AHRR: variants seen among roughly 807,000 people sequenced by gnomAD.
AHRR encodes aryl hydrocarbon receptor repressor, also known as ahR repressor.
A neutral mutation model predicts 44.0 loss-of-function variants in AHRR; 28 were observed. That is an observed-to-expected ratio of 0.64 (90% CI 0.47 to 0.87). The LOEUF (loss-of-function observed/expected upper bound fraction) is 0.87. Ranked by LOEUF, AHRR falls within the 40% of genes least tolerant of loss-of-function variation. AHRR has a pLI of 0.00. For missense variants in AHRR, 990 were observed against 953.9 expected, an observed-to-expected ratio of 1.04 and a Z score of -0.50; for synonymous variants, 434 against 407.0, an observed-to-expected ratio of 1.07 and a Z score of -0.80.
At chr5:324,649 T>C (rs1367442826) in intron 1 of AHRR, among the ~76,000 whole-genome samples, 1 of 151,092 alleles carries the variant, frequency 6.6e-6, no homozygotes, top group Non-Finnish European at 1.5e-5. Context: ...ATTAGCCGGG[T>C]GTGGTGGCCT....
chr5:372,738 G>A (rs1010454431), intron 3 of AHRR, among the ~76,000 whole-genome samples: 15 of 152,324 alleles, frequency 9.8e-5, no homozygotes, highest in South Asian at 4.1e-4. Context: ...ATGTGGCTTC[G>A]TTTCTGGGCA....
intron 4 of AHRR, among the ~76,000 whole-genome samples, chr5:391,389 A>AGGGCGAGGCGGGCGCAGGGCGAGGC (rs1734433743): frequency 2.5e-5 from 2 of 80,646 alleles, no homozygotes; most frequent in East Asian, 6.7e-4. Flanking sequence ...CAGGGCGAGG[A>AGGGCGAGGCGGGCGCAGGGCGAGGC]GGGCGCAGGG....
chr5:345,766 G>T (rs1742650915), intron 2 of AHRR, among the ~76,000 whole-genome samples: 1 of 152,070 alleles, frequency 6.6e-6, no homozygotes, highest in Non-Finnish European at 1.5e-5. Context: ...GTGTGTGGCC[G>T]TGGTGCCTCC....
intron 3 of AHRR, 134 bp from the exon 4 acceptor site, chr5:376,476 G>A: frequency 3.0e-6 from 2 of 668,518 alleles, no homozygotes; most frequent in South Asian, 1.9e-5. Flanking sequence ...CTGCAGAGGG[G>A]TCAGTGCAGC....
chr5:403,042 G>A (rs113325267), intron 4 of AHRR, among the ~76,000 whole-genome samples: 51 of 152,150 alleles, frequency 3.4e-4, no homozygotes, highest in Non-Finnish European at 8.8e-5. Flanking sequence ...GTGTGGGAGG[G>A]GGATAAAGAA....
At chr5:345,217 TC>T (rs1742591554) in intron 2 of AHRR, among the ~76,000 whole-genome samples, 4 of 85,838 alleles carry the variant, frequency 4.7e-5, no homozygotes, top group Admixed American at 1.2e-4. Flanking sequence ...TGTGTGTGTG[TC>T]GGATGATGTC....
intron 4 of AHRR, among the ~76,000 whole-genome samples, chr5:377,962 G>C (rs1457048218): frequency 6.6e-6 from 1 of 152,244 alleles, no homozygotes; most frequent in Non-Finnish European, 1.5e-5. Flanking sequence ...CCTGGCCAGA[G>C]TGCTGGTCAC....
At chr5:371,583 G>A (rs1296559079) in intron 3 of AHRR, among the ~76,000 whole-genome samples, 2 of 152,188 alleles carry the variant, frequency 1.3e-5, no homozygotes, top group Admixed American at 6.5e-5. Flanking sequence ...CCCATAGTAG[G>A]ACTGAGCATC....
intron 4 of AHRR, among the ~76,000 whole-genome samples, chr5:377,902 C>T (rs893240344): frequency 3.9e-5 from 6 of 152,198 alleles, no homozygotes; most frequent in African/African-American, 1.2e-4. Flanking sequence ...AGGGTCCGCC[C>T]GTCTGCTCCT....
intron 1 of AHRR, among the ~76,000 whole-genome samples, chr5:322,343 G>A (rs1323951428): frequency 6.6e-6 from 1 of 152,180 alleles, no homozygotes; most frequent in East Asian, 1.9e-4. Flanking sequence ...GACCCCTTCT[G>A]GGGAGGGGTC....
rs145729862 is a variant in AHRR at position 409,655 on chromosome 5, TG to T, written c.352-3688del. Among the ~76,000 whole-genome samples the T allele has an allele frequency of 1.4e-3, 180 of 129,124 alleles. 1 individual carries two copies. Among genetic ancestry groups the T allele is most frequent in the African/African-American group, 5.4e-3 (166 of 30,958 alleles). The allele number at this position is 129,124 out of a possible 152,430, so 84.7% of individuals were successfully genotyped here. On this transcript the variant is annotated intron_variant, in intron 4 of 10. Coordinates refer to ENST00000684583, the MANE Select transcript of AHRR (RefSeq NM_001377236.1). ...AAACGTTTGTCCCATGGTTTAAAAT[TG>T]TTTTTTTTTTTAATTGTTGATTTGT...
intron 4 of AHRR, among the ~76,000 whole-genome samples, chr5:393,368 C>G (rs948411258): frequency 6.6e-6 from 1 of 152,238 alleles, no homozygotes; most frequent in Non-Finnish European, 1.5e-5. Flanking sequence ...CGCTCACTAA[C>G]CGATCCTTCC....
chr5:394,711 C>G (rs892984287), intron 4 of AHRR, among the ~76,000 whole-genome samples: 1 of 152,236 alleles, frequency 6.6e-6, no homozygotes. Context: ...CCTCCTGTCT[C>G]TGGTCCCCGT....
rs189621959 is a variant in AHRR, at chr5:332,252, A to G, written c.-11+10433A>G. On this transcript the variant is annotated intron_variant, in intron 1 of 10. Coordinates refer to ENST00000684583, the MANE Select transcript of AHRR (RefSeq NM_001377236.1). ...AAGAGGAAAAAAAGAAGAAAGAAAA[A>G]TCTGTTAAGACTTTTTTTTTTTTTT... 4.1e-5 allele frequency among the ~76,000 whole-genome samples: 6 copies of G among 147,990 alleles called. No individual in the cohort carries two copies. In the Admixed American group the frequency reaches 4.1e-4, roughly 10 times the overall value.
intron 1 of AHRR, among the ~76,000 whole-genome samples, chr5:327,618 T>A (rs10072720): frequency 1.3e-3 from 202 of 152,342 alleles, no homozygotes; most frequent in African/African-American, 4.6e-3. Flanking sequence ...TTTTGATTAA[T>A]CCACTGATGG....
chr5:404,217 C>A lies in AHRR; in HGVS notation c.352-9127C>A. On this transcript the variant is annotated intron_variant, in intron 4 of 10. Transcript: ENST00000684583. The surrounding 1 kb of genome is among the most constrained non-coding windows in gnomAD (Gnocchi z 4.1). ...CAGCCTTTGAACCCGTCGCAGCTCTCGCTCATCCATGAGTCTAATCACATC... is the reference window on the plus strand; with the variant it reads ...CAGCCTTTGAACCCGTCGCAGCTCTAGCTCATCCATGAGTCTAATCACATC... 1 of 521,254 alleles carries A rather than the reference C, an allele frequency of 1.9e-6. No individual in the cohort carries two copies. The highest frequency in any genetic ancestry group is 1.6e-5 in the South Asian group (1 of 63,836). 32.3% of individuals were successfully genotyped at this position (521,254 alleles called of 1,614,324 possible). A position where few individuals can be genotyped will look rare whatever the true frequency, so the allele number is the denominator to read the frequency against.
rs576476059 is a variant in AHRR at position 437,051 on chromosome 5, A to C, written c.*2217A>C. 1 of 152,514 alleles carries C rather than the reference A, an allele frequency of 6.6e-6. No homozygotes were observed. The highest frequency in any genetic ancestry group is 1.9e-4 in the East Asian group (1 of 5,322). 9.4% of individuals were successfully genotyped at this position (152,514 alleles called of 1,614,324 possible). On this transcript the variant is annotated 3_prime_UTR_variant, in exon 11 of 11. Transcript: ENST00000684583. ...CTTTGCTGATCATGGAAAGACCCTTAATAATTAGGCCTGCAGGCCAGGCGC... is the reference window on the plus strand; with the variant it reads ...CTTTGCTGATCATGGAAAGACCCTTCATAATTAGGCCTGCAGGCCAGGCGC...
chr5:376,685 C>T lies in AHRR; in HGVS notation c.320C>T (p.Ser107Phe). 2 of 1,610,072 alleles carry T rather than the reference C, an allele frequency of 1.2e-6. No homozygotes were observed. Among genetic ancestry groups the T allele is most frequent in the East Asian group, 2.2e-5 (1 of 44,810 alleles). The change falls in exon 4 of 11, where the codon TCT becomes TTT. Residue 107 changes from serine (S) to phenylalanine (F), a missense_variant. Physicochemically the swap from Ser to Phe is radical, Grantham distance 155. Coordinates refer to ENST00000684583, the MANE Select transcript of AHRR (RefSeq NM_001377236.1). ...SPGDSCPLAGSAVLEGRLLLE... is the reference protein window; with the variant it reads ...SPGDSCPLAGFAVLEGRLLLE... The stretch of plus-strand genomic sequence containing the variant: ...GGAGACAGCTGTCCTCTTGCAGGGT[C>T]TGCCGTGCTGGAGGGAAGGCTGCTG...
At position 392,364 on chromosome 5, in the gene AHRR, G is replaced by A. The variant is rs1449275188; in HGVS notation, c.351+15648G>A. On this transcript the variant is annotated intron_variant, in intron 4 of 10. Transcript: ENST00000684583. Reference sequence around the variant, plus strand: ...GCGCAGGGCGAGGCAGGGCCAGAGCGTGCACGGGCGCAGGGCGAGGAGGGC... The same window carrying A: ...GCGCAGGGCGAGGCAGGGCCAGAGCATGCACGGGCGCAGGGCGAGGAGGGC... Among the ~76,000 whole-genome samples the A allele has an allele frequency of 3.1e-5, 4 of 127,816 alleles. 1 individual carries two copies. Among genetic ancestry groups the A allele is most frequent in the Middle Eastern group, 8.8e-3 (2 of 226 alleles). 83.9% of individuals were successfully genotyped at this position (127,816 alleles called of 152,430 possible).
Sources: allele counts gnomAD v4.1 joint callset (sites outside exome capture counted in the v4.1 genomes callset), GRCh38; gene constraint gnomAD v4.1.1; non-coding constraint Gnocchi (gnomAD v3.1); transcripts MANE v1.5; gene names NCBI Gene and HGNC (gene_info 2026-07-23, HGNC 2026-07-21).